TBC1D22B: variants seen among roughly 807,000 people sequenced by gnomAD.
The protein encoded by TBC1D22B is chromosome 6 open reading frame 197.
TBC1D22B carries 32 observed loss-of-function variants against 69.1 expected under a neutral mutation model. That is an observed-to-expected ratio of 0.46 (90% CI 0.35 to 0.62). TBC1D22B has a LOEUF of 0.62. TBC1D22B is among the 20% of genes least tolerant of loss of function. The pLI, the probability that TBC1D22B is intolerant of heterozygous loss-of-function variation, is 0.00. For missense variants in TBC1D22B, 462 were observed against 630.9 expected (o/e 0.73, Z 2.87); for synonymous variants, 206 against 229.8 (o/e 0.90, Z 0.94).
intron 12 of TBC1D22B, among the ~76,000 whole-genome samples, chr6:37,329,196 T>C (rs1414462276): frequency 6.6e-6 from 1 of 152,364 alleles, no homozygotes; most frequent in African/African-American, 2.4e-5. Flanking sequence ...CATGTACATA[T>C]ACAAATATAT....
chr6:37,305,640 C>G (rs1767692120), intron 8 of TBC1D22B, among the ~76,000 whole-genome samples: 1 of 151,974 alleles, frequency 6.6e-6, no homozygotes, highest in African/African-American at 2.4e-5. Context: ...GCCTCAGCCT[C>G]CCGAGTAGCT....
chr6:37,273,363 C>T (rs1344957484), intron 2 of TBC1D22B, among the ~76,000 whole-genome samples: 1 of 152,162 alleles, frequency 6.6e-6, no homozygotes, highest in African/African-American at 2.4e-5. Flanking sequence ...TTGACAAACA[C>T]GTGGCTAACC....
At chr6:37,264,843 G>C (rs1013645581) in intron 1 of TBC1D22B, among the ~76,000 whole-genome samples, 1 of 152,160 alleles carries the variant, frequency 6.6e-6, no homozygotes, top group African/African-American at 2.4e-5. Context: ...TTAATAATGG[G>C]TTTAATAAGT....
chr6:37,265,398 G>A (rs925444875), intron 1 of TBC1D22B, among the ~76,000 whole-genome samples: 3 of 152,118 alleles, frequency 2.0e-5, no homozygotes, highest in African/African-American at 7.2e-5. Flanking sequence ...TTACCTAACC[G>A]GCCTGTTGAG....
chr6:37,314,167 C>A (rs533633838), intron 10 of TBC1D22B, among the ~76,000 whole-genome samples: 5 of 152,232 alleles, frequency 3.3e-5, no homozygotes, highest in Non-Finnish European at 7.3e-5. Flanking sequence ...CCGTTCCCCA[C>A]TTCCCCAGCC....
chr6:37,323,259 G>A (rs1310900712), intron 12 of TBC1D22B, among the ~76,000 whole-genome samples: 1 of 152,174 alleles, frequency 6.6e-6, no homozygotes, highest in Non-Finnish European at 1.5e-5. Flanking sequence ...CAGTCGCAGT[G>A]GCTCATGCCT....
At chr6:37,269,285 C>G (rs1215194744) in intron 1 of TBC1D22B, among the ~76,000 whole-genome samples, 1 of 152,152 alleles carries the variant, frequency 6.6e-6, no homozygotes, top group Admixed American at 6.6e-5. Flanking sequence ...GTACTGAGTG[C>G]CAGAACTGGC....
At chr6:37,326,755 T>C (rs1355742559) in intron 12 of TBC1D22B, among the ~76,000 whole-genome samples, 1 of 151,982 alleles carries the variant, frequency 6.6e-6, no homozygotes. Flanking sequence ...GCCACTGCAC[T>C]CCAGCCTGGG....
At chr6:37,317,498 G>T (rs1422153365) in intron 12 of TBC1D22B, among the ~76,000 whole-genome samples, 1 of 152,154 alleles carries the variant, frequency 6.6e-6, no homozygotes, top group East Asian at 1.9e-4. Flanking sequence ...CTTGCTACAT[G>T]CCAGCACTGT....
chr6:37,322,908 T>G (rs1768292023), intron 12 of TBC1D22B, among the ~76,000 whole-genome samples: 1 of 152,184 alleles, frequency 6.6e-6, no homozygotes, highest in Non-Finnish European at 1.5e-5. Context: ...TGTGCCCAGT[T>G]GTGGGCACTT....
intron 11 of TBC1D22B, 111 bp from the exon 12 acceptor site, chr6:37,316,999 TC>T: frequency 6.9e-7 from 1 of 1,455,434 alleles, no homozygotes; most frequent in Middle Eastern, 1.8e-4. Flanking sequence ...CAGAACTCCA[TC>T]TCCCCAACCG....
At chr6:37,275,037 C>T (rs1169024607) in intron 2 of TBC1D22B, among the ~76,000 whole-genome samples, 2 of 136,556 alleles carry the variant, frequency 1.5e-5, no homozygotes, top group East Asian at 2.2e-4. Context: ...GAAGACAGAG[C>T]GAGAATCCAT....
intron 2 of TBC1D22B, among the ~76,000 whole-genome samples, chr6:37,277,394 G>T (rs546373489): frequency 6.6e-6 from 1 of 152,190 alleles, no homozygotes; most frequent in Admixed American, 6.5e-5. Flanking sequence ...AAGCAGCCAT[G>T]GTGGATGAGT....
chr6:37,290,281 A>G (rs1767134424), intron 7 of TBC1D22B, among the ~76,000 whole-genome samples: 2 of 152,082 alleles, frequency 1.3e-5, no homozygotes, highest in East Asian at 1.9e-4. Context: ...ATGTACTCAC[A>G]TCACCTCTGC....
At chr6:37,317,303 A>G (rs1768111602) in intron 12 of TBC1D22B, 97 bp downstream of exon 12, 1 of 1,273,162 alleles carries the variant, frequency 7.9e-7, no homozygotes, top group African/African-American at 1.5e-5. Context: ...CATAGCAGGT[A>G]CCTGGCTGGG....
intron 12 of TBC1D22B, among the ~76,000 whole-genome samples, chr6:37,330,383 C>T (rs756831101): frequency 5.3e-5 from 8 of 151,880 alleles, no homozygotes; most frequent in Non-Finnish European, 1.2e-4. Flanking sequence ...TGACTACAGG[C>T]GTGTGCTACC....
At chr6:37,263,037 T>C (rs570092567) in intron 1 of TBC1D22B, among the ~76,000 whole-genome samples, 14 of 152,344 alleles carry the variant, frequency 9.2e-5, no homozygotes, top group Admixed American at 3.9e-4. Context: ...CGAGATGCAG[T>C]GTGTTAACTA....
intron 2 of TBC1D22B, among the ~76,000 whole-genome samples, chr6:37,272,371 T>TC (rs1460844292): frequency 1.3e-5 from 2 of 150,704 alleles, no homozygotes; most frequent in Non-Finnish European, 1.5e-5. Flanking sequence ...AGCCTTTTTT[T>TC]TTTTTTTTTA....
At chr6:37,320,274 C>T (rs974479276) in intron 12 of TBC1D22B, among the ~76,000 whole-genome samples, 15 of 152,060 alleles carry the variant, frequency 9.9e-5, no homozygotes, top group Non-Finnish European at 1.8e-4. Flanking sequence ...TGCCTGGGGT[C>T]GGATCCCAGC....
Sources: gnomAD v4.1 joint callset for allele counts (sites outside exome capture counted in the v4.1 genomes callset) on GRCh38, gnomAD v4.1.1 for gene constraint, MANE v1.5 for transcripts, NCBI Gene and HGNC (gene_info 2026-07-23, HGNC 2026-07-21) for gene names.